Variants in RUNX1T1 observed in about 807,000 individuals in gnomAD.
RUNX1T1 encodes protein CBFA2T1.
Under a neutral mutation model 62.8 loss-of-function variants are expected in RUNX1T1, and 4 were observed. That is an observed-to-expected ratio of 0.06 (90% confidence interval 0.03 to 0.15). The LOEUF is 0.15. RUNX1T1 is among the 10% of genes least tolerant of loss of function. The pLI is 1.00. For missense variants in RUNX1T1, 508 were observed against 754.3 expected (o/e 0.67, Z 3.82); for synonymous variants, 291 against 286.0 (o/e 1.02, Z -0.18).
upstream of RUNX1T1, among the ~76,000 whole-genome samples, chr8:92,067,527 TC>T: frequency 6.6e-6 from 1 of 152,230 alleles, no homozygotes; most frequent in Non-Finnish European, 1.5e-5. Flanking sequence ...AATAATGACT[TC>T]CTAAACTGAT....
At chr8:92,031,218 A>C (rs886414637) in intron 1 of RUNX1T1, among the ~76,000 whole-genome samples, 5 of 152,192 alleles carry the variant, frequency 3.3e-5, no homozygotes, top group African/African-American at 9.6e-5. Flanking sequence ...CGGTGTCTAA[A>C]CATAAGCATC....
chr8:91,989,789 A>T (rs73698206), intron 6 of RUNX1T1, among the ~76,000 whole-genome samples: 396 of 152,310 alleles, frequency 2.6e-3, no homozygotes, highest in African/African-American at 9.0e-3. Context: ...TTGTTATCAC[A>T]TTTGATTTTG....
At chr8:91,959,035 A>G (rs1809820197) in exon 11 of RUNX1T1, 2 of 211,832 alleles carry the variant, frequency 9.4e-6, no homozygotes, top group Non-Finnish European at 1.9e-5. Context: ...CAGGTTTCTC[A>G]CCAACTAGGA....
chr8:92,035,515 G>A (rs891897005), intron 1 of RUNX1T1, among the ~76,000 whole-genome samples: 8 of 151,836 alleles, frequency 5.3e-5, no homozygotes, highest in East Asian at 1.9e-4. Context: ...TTTTAAAGGC[G>A]ATTTTCTCTT....
chr8:92,020,388 C>T (rs768101529), intron 1 of RUNX1T1, among the ~76,000 whole-genome samples: 50 of 152,120 alleles, frequency 3.3e-4, no homozygotes, highest in Non-Finnish European at 6.5e-4. Context: ...AATTAGAGGA[C>T]ATGGTAAAAC....
At chr8:91,989,822 C>A (rs2130861267) in intron 6 of RUNX1T1, among the ~76,000 whole-genome samples, 1 of 152,294 alleles carries the variant, frequency 6.6e-6, no homozygotes, top group South Asian at 2.1e-4. Context: ...CAATCCAGAT[C>A]AAGAAATAGC....
chr8:92,061,353 T>C (rs1832002572), intron 1 of RUNX1T1, among the ~76,000 whole-genome samples: 1 of 152,214 alleles, frequency 6.6e-6, no homozygotes, highest in Non-Finnish European at 1.5e-5. Flanking sequence ...CTGTATTATA[T>C]ACCCAGGGCA....
intron 1 of RUNX1T1, among the ~76,000 whole-genome samples, chr8:92,054,479 T>C (rs1321975054): frequency 6.6e-6 from 1 of 152,186 alleles, no homozygotes; most frequent in Admixed American, 6.5e-5. Flanking sequence ...GTACACAGCA[T>C]ATCTACAATC....
intron 1 of RUNX1T1, among the ~76,000 whole-genome samples, chr8:92,032,325 GACA>G (rs1261486045): frequency 4.6e-5 from 7 of 151,916 alleles, no homozygotes; most frequent in East Asian, 1.9e-4. Flanking sequence ...CTACTAGACA[GACA>G]ACAATTCATA....
In RUNX1T1 at chr8:91,983,928, C is replaced by T. The variant is rs73696994; in HGVS notation, c.1198+2196G>A. ...GTAAAAGCACTACTGGATGCTAAAA[C>T]TTGCACACTGCAGAGTTCTACACAG... On this transcript the variant is annotated intron_variant, in intron 8 of 10. Coordinates refer to ENST00000396218, the Ensembl canonical transcript of RUNX1T1. 3.0e-3 allele frequency among the ~76,000 whole-genome samples: 450 copies of T among 151,254 alleles called. 1 individual carries two copies. Among genetic ancestry groups the T allele is most frequent in the African/African-American group, 0.01 (427 of 41,152 alleles).
chr8:92,017,681 A>G (rs926260513), intron 1 of RUNX1T1: 21 of 1,243,072 alleles, frequency 1.7e-5, no homozygotes, highest in Admixed American at 3.9e-5. Flanking sequence ...AATGTTAGCA[A>G]GAGGTAGAAA....
chr8:92,094,138 G>T (rs927547626), intron 1 of RUNX1T1, among the ~76,000 whole-genome samples: 3 of 152,142 alleles, frequency 2.0e-5, no homozygotes, highest in Non-Finnish European at 4.4e-5. Flanking sequence ...ATGTCAATAT[G>T]TTCAGTCAAT....
intron 1 of RUNX1T1, among the ~76,000 whole-genome samples, chr8:92,080,368 C>G (rs1835058757): frequency 6.6e-6 from 1 of 152,206 alleles, no homozygotes; most frequent in Non-Finnish European, 1.5e-5. Context: ...CTGCCAGGTA[C>G]TGTTCACAGA....
intron 1 of RUNX1T1, among the ~76,000 whole-genome samples, chr8:92,023,122 T>C (rs749114876): frequency 1.1e-4 from 16 of 152,138 alleles, no homozygotes; most frequent in Admixed American, 2.6e-4. Context: ...ACTGAAGAGG[T>C]TGTGAGAAAG....
intron 1 of RUNX1T1, among the ~76,000 whole-genome samples, chr8:92,088,813 T>C (rs1159991094): frequency 6.6e-6 from 1 of 152,184 alleles, no homozygotes; most frequent in South Asian, 2.1e-4. Context: ...GCCACCCATC[T>C]CTTGAGCTTC....
intron 1 of RUNX1T1, 23 bp from the exon 2 acceptor site, chr8:92,076,160 A>G: frequency 6.7e-7 from 1 of 1,490,316 alleles, no homozygotes; most frequent in Non-Finnish European, 8.9e-7. Flanking sequence ...ACAAAGGGAA[A>G]AAAAATGCAT....
chr8:92,065,603 T>C (rs1046496350), upstream of RUNX1T1, among the ~76,000 whole-genome samples: 8 of 152,226 alleles, frequency 5.3e-5, no homozygotes, highest in African/African-American at 1.7e-4. Context: ...AGATCATTCA[T>C]TAGAAAGGCA....
At chr8:92,067,236 C>T (rs1160139351), upstream of RUNX1T1, among the ~76,000 whole-genome samples, 1 of 152,112 alleles carries the variant, frequency 6.6e-6, no homozygotes, top group Non-Finnish European at 1.5e-5. Flanking sequence ...ATTACAGACG[C>T]GGAAAAGCTT....
At chr8:91,964,443 C>T (rs968689303) in intron 10 of RUNX1T1, among the ~76,000 whole-genome samples, 1 of 152,030 alleles carries the variant, frequency 6.6e-6, no homozygotes, top group South Asian at 2.1e-4. Context: ...ATTGAAACTC[C>T]TCAAATGTTA....
Sources: allele counts gnomAD v4.1 joint callset (sites outside exome capture counted in the v4.1 genomes callset), GRCh38; gene constraint gnomAD v4.1.1; transcripts MANE v1.5; gene names NCBI Gene and HGNC (gene_info 2026-07-23, HGNC 2026-07-21).